EPB41: variants seen among roughly 807,000 people sequenced by gnomAD.
The protein encoded by EPB41 is erythrocyte membrane protein band 4.1, also known as protein 4.1.
EPB41 carries 65 observed loss-of-function variants against 108.0 expected under a neutral mutation model. That is an observed-to-expected ratio of 0.60 (90% CI 0.49 to 0.74). The LOEUF is 0.74. Among genes scored for constraint, EPB41 ranks in the 30% least tolerant of loss-of-function variants. EPB41 has a pLI of 0.00. For missense variants in EPB41, 875 were observed against 1,037.0 expected (o/e 0.84, Z 2.15); for synonymous variants, 336 against 358.9 (o/e 0.94, Z 0.72).
chr1:28,914,568 C>A (rs933990851), upstream of EPB41: 1 of 151,900 alleles, frequency 6.6e-6, no homozygotes, highest in African/African-American at 2.4e-5. Flanking sequence ...CCTCGCCTCG[C>A]AGAGGGAAGG....
At chr1:29,096,398 A>T in intron 16 of EPB41, 1 of 985,952 alleles carries the variant, frequency 1.0e-6, no homozygotes, top group Non-Finnish European at 1.2e-6. Context: ...AAGAGGCCCA[A>T]CTGGGGGATG....
intron 16 of EPB41, among the ~76,000 whole-genome samples, chr1:29,077,060 A>G (rs1654375519): frequency 6.6e-6 from 1 of 152,206 alleles, no homozygotes; most frequent in African/African-American, 2.4e-5. Flanking sequence ...CTTTTCACAT[A>G]GAATCTCTTG....
In EPB41 at chr1:28,945,620, A is replaced by G. The variant is rs990531523; in HGVS notation, c.-8+30852A>G. Among the ~76,000 whole-genome samples, 16 of 152,328 alleles carry G rather than the reference A, an allele frequency of 1.1e-4. 1 individual carries two copies. The highest frequency in any genetic ancestry group is 4.4e-5 in the Non-Finnish European group (3 of 68,038). Reference sequence around the variant, plus strand: ...TGGAGCAGTGAATATATTAAGTATAAGTGTTTAATATTCTGTTTTAAAATT... The same window carrying G: ...TGGAGCAGTGAATATATTAAGTATAGGTGTTTAATATTCTGTTTTAAAATT... On this transcript the variant is annotated intron_variant, in intron 1 of 20. Coordinates refer to ENST00000343067, the MANE Select transcript of EPB41 (RefSeq NM_001376013.1).
At position 28,887,771 on chromosome 1, in the gene EPB41, G is replaced by GC. The variant is rs1346577353; in HGVS notation, c.-8+568dup. The GC allele has an allele frequency of 3.3e-5, 27 of 813,514 alleles. No individual in the cohort carries two copies. Among genetic ancestry groups the GC allele is most frequent in the Non-Finnish European group, 4.0e-5 (27 of 672,758 alleles). The allele number at this position is 813,514 out of a possible 1,614,324, so 50.4% of individuals were successfully genotyped here. A position where few individuals can be genotyped will look rare whatever the true frequency, so the allele number is the denominator to read the frequency against. On this transcript the variant is annotated intron_variant, in intron 1 of 16. Coordinates refer to the EPB41 transcript ENST00000347529. The surrounding 1 kb of genome is among the most constrained non-coding windows in gnomAD (Gnocchi z 4.9). Reference sequence around the variant, plus strand: ...GGCGCCGGCTGTGCCCGCCAGGGTGGCCCCCCCGGCCGTCGCGCCAGCCCC... The same window carrying GC: ...GGCGCCGGCTGTGCCCGCCAGGGTGGCCCCCCCCGGCCGTCGCGCCAGCCCC...
chr1:28,956,197 A>G (rs1162749350), intron 1 of EPB41, among the ~76,000 whole-genome samples: 1 of 152,218 alleles, frequency 6.6e-6, no homozygotes, highest in Non-Finnish European at 1.5e-5. Context: ...TTCGCTAGGA[A>G]CACACATGGC....
chr1:28,932,633 C>T (rs1252568338), intron 1 of EPB41, among the ~76,000 whole-genome samples: 1 of 151,930 alleles, frequency 6.6e-6, no homozygotes, highest in Admixed American at 6.6e-5. Context: ...AAGTTTTAGA[C>T]TAGATATTCT....
intron 1 of EPB41, among the ~76,000 whole-genome samples, chr1:28,947,518 T>C (rs569040505): frequency 1.3e-5 from 2 of 152,122 alleles, no homozygotes; most frequent in South Asian, 4.2e-4. Context: ...GTCTAGTGTT[T>C]GGATGCCGTT....
Position 28,987,861 on chromosome 1 carries a change from G to A in EPB41, c.424G>A (p.Asp142Asn), listed in dbSNP as rs1431488367. 1.2e-6 allele frequency: 2 copies of A among 1,614,108 alleles called. No homozygotes were observed. Among genetic ancestry groups the A allele is most frequent in the South Asian group, 2.2e-5 (2 of 91,082 alleles). ...AGCTCCTGAACCGGAACTCAAAACA[G>A]ACCCATCTTTGGATCTTCATTCATT... is the stretch of plus-strand genomic sequence containing the variant. ...IAAPEPELKT[D>N]PSLDLHSLSS... Residue 142 changes from aspartate (D) to asparagine (N), a missense_variant, in exon 2 of 21, where the codon GAC becomes AAC. Coordinates refer to ENST00000343067, the MANE Select transcript of EPB41 (RefSeq NM_001376013.1).
At chr1:29,055,140 T>G (rs185448453) in intron 12 of EPB41, among the ~76,000 whole-genome samples, 106 of 152,362 alleles carry the variant, frequency 7.0e-4, no homozygotes, top group Admixed American at 1.2e-3. Context: ...GAGTGAATGG[T>G]AGGTGTTTAC....
At chr1:29,038,193 G>A (rs903788521) in intron 10 of EPB41, among the ~76,000 whole-genome samples, 1 of 152,046 alleles carries the variant, frequency 6.6e-6, no homozygotes, top group Admixed American at 6.6e-5. Flanking sequence ...TAAAACATGA[G>A]GGTACATTTT....
In EPB41 at chr1:29,018,151, C is replaced by T; in HGVS notation, c.906-73C>T. 2.1e-6 allele frequency: 3 copies of T among 1,396,502 alleles called. No homozygotes were observed. The highest frequency in any genetic ancestry group is 3.0e-6 in the Non-Finnish European group (3 of 990,088). 86.5% of individuals were successfully genotyped at this position (1,396,502 alleles called of 1,614,324 possible). ...CTCTCTCTCCCTTTCTGTTTCTCCC[C>T]TTTTCTCCTTTTTCTCTCTTTATAT... On this transcript the variant is annotated intron_variant, in intron 6 of 20. Coordinates refer to ENST00000343067, the MANE Select transcript of EPB41 (RefSeq NM_001376013.1). This position sits in a 1 kb window ranked among gnomAD's most constrained non-coding sequence, Gnocchi z 4.4.
intron 5 of EPB41, among the ~76,000 whole-genome samples, chr1:29,015,324 G>A (rs1253455914): frequency 6.6e-6 from 1 of 152,132 alleles, no homozygotes; most frequent in Non-Finnish European, 1.5e-5. Flanking sequence ...TTGGGAGGCC[G>A]AGGCGGGTGG....
At chr1:28,965,285 T>C (rs920334605) in intron 1 of EPB41, among the ~76,000 whole-genome samples, 1 of 152,200 alleles carries the variant, frequency 6.6e-6, no homozygotes, top group African/African-American at 2.4e-5. Context: ...TTTTTGATCT[T>C]GTAATTCTCA....
At chr1:28,909,054 G>C (rs2092063882) in intron 1 of EPB41, among the ~76,000 whole-genome samples, 1 of 150,896 alleles carries the variant, frequency 6.6e-6, no homozygotes, top group Admixed American at 6.6e-5. Context: ...AGCTACTTTG[G>C]AGGCTGAGGC....
At chr1:29,070,290 C>T (rs909577091) in intron 16 of EPB41, 1 of 1,079,656 alleles carries the variant, frequency 9.3e-7, no homozygotes, top group African/African-American at 1.6e-5. Context: ...CCCCAAGTAT[C>T]ATTTTTGAGC....
chr1:29,107,881 T>C (rs1326517822), intron 17 of EPB41, among the ~76,000 whole-genome samples: 1 of 146,988 alleles, frequency 6.8e-6, no homozygotes, highest in Non-Finnish European at 1.5e-5. Flanking sequence ...ATACAAAAAT[T>C]AGCCGGGCGT....
At position 29,058,833 on chromosome 1, in the gene EPB41, A is replaced by C; in HGVS notation, c.1925A>C (p.Asp642Ala). ...CAGAAGCTTGCAGAAAAAACTGAAG[A>C]TCTGATAAGAATGAGGAAGGTTAGC... ...QTQKLAEKTE[D>A]LIRMRKKKRE... is the part of the protein sequence containing the mutation. Residue 642 changes from aspartate (D) to alanine (A), a missense_variant, in exon 14 of 21, where the codon GAT becomes GCT. This residue lies in a region of EPB41 where 519 missense variants were observed against 627.3 expected (regional missense o/e 0.83). Coordinates refer to ENST00000343067, the MANE Select transcript of EPB41 (RefSeq NM_001376013.1). 1 of 1,550,100 alleles carries C rather than the reference A, an allele frequency of 6.5e-7. No homozygotes were observed. The highest frequency in any genetic ancestry group is 8.7e-7 in the Non-Finnish European group (1 of 1,146,580).
chr1:29,010,064 C>T (rs1487007356), intron 4 of EPB41, among the ~76,000 whole-genome samples: 1 of 152,074 alleles, frequency 6.6e-6, no homozygotes, highest in Non-Finnish European at 1.5e-5. Flanking sequence ...TCTCTGGGTA[C>T]GGTGGCTGAC....
intron 1 of EPB41, among the ~76,000 whole-genome samples, chr1:28,888,817 C>T (rs369922090): frequency 5.3e-5 from 8 of 151,558 alleles, no homozygotes; most frequent in Admixed American, 4.6e-4. Flanking sequence ...TTAGTAGAGA[C>T]GGGGATTCAC....
Sources: gnomAD v4.1 joint callset for allele counts (sites outside exome capture counted in the v4.1 genomes callset) on GRCh38, gnomAD v4.1.1 for gene constraint, gnomAD v4.1.1 regional missense constraint, Gnocchi (gnomAD v3.1) non-coding constraint, MANE v1.5 for transcripts, NCBI Gene and HGNC (gene_info 2026-07-23, HGNC 2026-07-21) for gene names.